KCTD15: variants seen among roughly 807,000 people sequenced by gnomAD.
KCTD15 encodes BTB/POZ domain-containing protein KCTD15.
In KCTD15, 11 loss-of-function variants were observed where a neutral mutation model predicts 27.2. The ratio of observed to expected loss-of-function variants is 0.41; its 90% CI spans 0.25 to 0.67. KCTD15 has a LOEUF of 0.67. KCTD15 is among the 30% of genes least tolerant of loss of function. The pLI, the probability that KCTD15 is intolerant of heterozygous loss-of-function variation, is 0.35. For missense variants in KCTD15, 350 were observed against 409.3 expected (o/e 0.86, Z 1.25); for synonymous variants, 163 against 176.0 (o/e 0.93, Z 0.58).
intron 5 of KCTD15, among the ~76,000 whole-genome samples, chr19:33,808,976 T>A (rs116788625): frequency 6.6e-6 from 1 of 150,932 alleles, no homozygotes; most frequent in African/African-American, 2.4e-5. Context: ...CTATACAAAT[T>A]TGTTTTTTAA....
upstream of KCTD15, among the ~76,000 whole-genome samples, chr19:33,794,541 C>T (rs1975264024): frequency 6.6e-6 from 1 of 152,220 alleles, no homozygotes; most frequent in African/African-American, 2.4e-5. Context: ...CTGGGGGCCA[C>T]AGGAGCCATG....
At chr19:33,807,285 G>C (rs1188392516) in intron 5 of KCTD15, among the ~76,000 whole-genome samples, 5 of 152,226 alleles carry the variant, frequency 3.3e-5, no homozygotes, top group Non-Finnish European at 7.3e-5. Flanking sequence ...AGTAGTTAGA[G>C]GTTCATAAAT....
chr19:33,810,675 CA>C (rs72186145), intron 5 of KCTD15, among the ~76,000 whole-genome samples: 18 of 120,684 alleles, frequency 1.5e-4, no homozygotes, highest in South Asian at 2.6e-4. Context: ...AAAACAAAAA[CA>C]AAAAAAAAAA....
intron 5 of KCTD15, 107 bp downstream of exon 5, chr19:33,807,114 A>T: frequency 7.4e-7 from 1 of 1,346,744 alleles, no homozygotes; most frequent in East Asian, 2.3e-5. Context: ...AACCATAAAA[A>T]GTTAAACGAT....
intron 6 of KCTD15, chr19:33,812,069 A>C (rs1350325753): frequency 2.5e-5 from 34 of 1,377,110 alleles, no homozygotes; most frequent in Non-Finnish European, 3.2e-5. Flanking sequence ...AGCTCTTCGC[A>C]GACCCAAGAG....
At chr19:33,810,254 C>T (rs896512919) in intron 5 of KCTD15, among the ~76,000 whole-genome samples, 4 of 152,284 alleles carry the variant, frequency 2.6e-5, no homozygotes, top group East Asian at 3.9e-4. Flanking sequence ...AAGGGGGCTG[C>T]GTGGCAGGGG....
chr19:33,813,170 G>T lies in KCTD15; in HGVS notation c.*222G>T. The T allele has an allele frequency of 1.6e-6, 1 of 628,620 alleles. No homozygotes were observed. Among genetic ancestry groups the T allele is most frequent in the Non-Finnish European group, 2.9e-6 (1 of 350,292 alleles). The allele number at this position is 628,620 out of a possible 1,614,324, so 38.9% of individuals were successfully genotyped here. The stretch of plus-strand genomic sequence containing the variant: ...GTTGATGCGACCCAAAGATACAGCG[G>T]TGGGATCTCTGCTGCCAGCTCTCCC... On this transcript the variant is annotated 3_prime_UTR_variant, in exon 7 of 7. Transcript: ENST00000683859.
At position 33,802,255 on chromosome 19, in the gene KCTD15, C is replaced by T. The variant is rs868302412; in HGVS notation, c.242+913C>T. 1.1e-4 allele frequency among the ~76,000 whole-genome samples: 16 copies of T among 152,240 alleles called. No homozygotes were observed. In the East Asian group the frequency reaches 1.2e-3, roughly 11 times the overall value. On this transcript the variant is annotated intron_variant, in intron 4 of 6. Coordinates refer to ENST00000683859, the MANE Select transcript of KCTD15 (RefSeq NM_001129994.2). Reference sequence around the variant, plus strand: ...TCCCCTGGGGCTGCTGAAGGCTGAGCGTGGGAGGGCCAAGGCTGTGGGCAT... The same window carrying T: ...TCCCCTGGGGCTGCTGAAGGCTGAGTGTGGGAGGGCCAAGGCTGTGGGCAT...
At chr19:33,811,199 C>T in intron 5 of KCTD15, 48 bp from the exon 6 acceptor site, 1 of 1,327,600 alleles carries the variant, frequency 7.5e-7, no homozygotes, top group Non-Finnish European at 1.0e-6. Context: ...CTTCCCCCAC[C>T]ACCCCTACTC....
intron 4 of KCTD15, among the ~76,000 whole-genome samples, chr19:33,802,010 C>G (rs1239561988): frequency 6.6e-6 from 1 of 152,194 alleles, no homozygotes; most frequent in African/African-American, 2.4e-5. Context: ...ACCCTCCATG[C>G]TGCTGAACTT....
At position 33,812,837 on chromosome 19, in the gene KCTD15, T is replaced by C; in HGVS notation, c.741T>C (p.Cys247=). The C allele has an allele frequency of 6.5e-7, 1 of 1,528,372 alleles. No individual in the cohort carries two copies. The highest frequency in any genetic ancestry group is 8.8e-7 in the Non-Finnish European group (1 of 1,135,400). 94.7% of individuals were successfully genotyped at this position (1,528,372 alleles called of 1,614,324 possible). ...GGGGTTTCAGCGTGGCTGCGTCCTG[T>C]GGGGGCGGTGTGGACTCCTCCCAGT... The part of the protein sequence containing the change: ...FQRGFSVAAS[C]GGGVDSSQFS... The change falls in exon 7 of 7, where the codon TGT becomes TGC. Residue 247 remains cysteine, a synonymous_variant. Coordinates refer to ENST00000683859, the MANE Select transcript of KCTD15 (RefSeq NM_001129994.2).
Position 33,813,089 on chromosome 19 carries a change from C to A in KCTD15, c.*141C>A. ...AAGCTGGCCCAGCGAGCACCAGGGT[C>A]CCAGGTGTCATGGCAACAGAACGTG... On this transcript the variant is annotated 3_prime_UTR_variant, in exon 7 of 7. Transcript: ENST00000683859. 1.2e-6 allele frequency: 1 copy of A among 831,306 alleles called. No homozygotes were observed. Among genetic ancestry groups the A allele is most frequent in the Non-Finnish European group, 1.9e-6 (1 of 525,048 alleles). The allele number at this position is 831,306 out of a possible 1,614,324, so 51.5% of individuals were successfully genotyped here.
In KCTD15 at chr19:33,810,445, C is replaced by T. The variant is rs146184145; in HGVS notation, c.388-802C>T. Among the ~76,000 whole-genome samples the T allele has an allele frequency of 7.2e-5, 11 of 152,158 alleles. No individual in the cohort carries two copies. The East Asian group carries it at 1.2e-3, about 16-fold the overall frequency. ...CGCAGTGGCTCACGCCTTGGGAGGC[C>T]GAGGCAGGTGGATCACATGAGGGCA... On this transcript the variant is annotated intron_variant, in intron 5 of 6. Transcript: ENST00000683859.
At position 33,810,675 on chromosome 19, in the gene KCTD15, C is replaced by CAAA. The variant is rs72186145; in HGVS notation, c.388-562_388-560dup. Among the ~76,000 whole-genome samples, 50 of 120,696 alleles carry CAAA rather than the reference C, an allele frequency of 4.1e-4. 1 individual carries two copies. Among genetic ancestry groups the CAAA allele is most frequent in the South Asian group, 1.0e-3 (4 of 3,866 alleles). The allele number at this position is 120,696 out of a possible 152,430, so 79.2% of individuals were successfully genotyped here. On this transcript the variant is annotated intron_variant, in intron 5 of 6. Coordinates refer to ENST00000683859, the MANE Select transcript of KCTD15 (RefSeq NM_001129994.2). ...GAGAGTCTGTCTCAAAAAACAAAAA[C>CAAA]AAAAAAAAAAAACAAAAAAAAACGA...
chr19:33,801,330 A>G lies in KCTD15; in HGVS notation c.230A>G (p.Tyr77Cys). Reference protein sequence around the residue: ...YTSSLATLTKYPDSRISRLFN... With the variant: ...YTSSLATLTKCPDSRISRLFN... ...AGCAGCCTGGCCACGCTCACCAAGTACCCTGACTCCAGGTAAGAGTAAGCC... is the reference window on the plus strand; with the variant it reads ...AGCAGCCTGGCCACGCTCACCAAGTGCCCTGACTCCAGGTAAGAGTAAGCC... Residue 77 changes from tyrosine (Y) to cysteine (C), a missense_variant, in exon 4 of 7, where the codon TAC (tyrosine) becomes TGC (cysteine). Physicochemically the swap from Tyr to Cys is radical, Grantham distance 194. This residue lies in a region of KCTD15 where 54 missense variants were observed against 101.8 expected (regional missense o/e 0.53). Transcript: ENST00000683859. The G allele has an allele frequency of 6.2e-7, 1 of 1,610,160 alleles. No homozygotes were observed. The highest frequency in any genetic ancestry group is 1.3e-5 in the African/African-American group (1 of 74,884).
intron 4 of KCTD15, among the ~76,000 whole-genome samples, chr19:33,804,734 G>C (rs1190405848): frequency 1.3e-5 from 2 of 152,188 alleles, no homozygotes; most frequent in African/African-American, 4.8e-5. Context: ...AGCCAGCCGT[G>C]GAACCCACAG....
At chr19:33,810,681 A>C (rs29945) in intron 5 of KCTD15, among the ~76,000 whole-genome samples, 69,958 of 143,204 alleles carry the variant, frequency 0.49, 16,823 homozygotes, top group Non-Finnish European at 0.52. Flanking sequence ...AAAACAAAAA[A>C]AAAAAACAAA....
intron 4 of KCTD15, chr19:33,801,725 G>A (rs1975556801): frequency 5.7e-6 from 1 of 175,114 alleles, no homozygotes; most frequent in Non-Finnish European, 1.2e-5. Flanking sequence ...TCATTTGTGA[G>A]TGATACTGAG....
rs753237538 is a variant in KCTD15, at chr19:33,800,545, C to T, written c.66+25C>T. ...GGTGAGCCTGCAGGGTGGGCTGGGTCCCTGCCGGGAGTTCCCTCTTTCCCT... is the reference window on the plus strand; with the variant it reads ...GGTGAGCCTGCAGGGTGGGCTGGGTTCCTGCCGGGAGTTCCCTCTTTCCCT... On this transcript the variant is annotated intron_variant, in intron 3 of 6. Transcript: ENST00000683859. 11 of 1,566,246 alleles carry T rather than the reference C, an allele frequency of 7.0e-6. No individual in the cohort carries two copies. In the East Asian group the frequency reaches 2.3e-4, roughly 33 times the overall value.
Sources: gnomAD v4.1 joint callset for allele counts (sites outside exome capture counted in the v4.1 genomes callset) on GRCh38, gnomAD v4.1.1 for gene constraint, gnomAD v4.1.1 regional missense constraint, MANE v1.5 for transcripts, NCBI Gene and HGNC (gene_info 2026-07-23, HGNC 2026-07-21) for gene names.